Variants in ARHGEF10L observed in about 807,000 individuals in gnomAD.
ARHGEF10L encodes rho guanine nucleotide exchange factor 10-like protein.
Under a neutral mutation model 141.2 loss-of-function variants are expected in ARHGEF10L, and 69 were observed. The observed-to-expected ratio is 0.49, with a 90% CI of 0.40 to 0.60. The LOEUF (loss-of-function observed/expected upper bound fraction) is 0.60, where lower values mean the gene tolerates loss of function less well. Ranked by LOEUF, ARHGEF10L falls within the 20% of genes least tolerant of loss-of-function variation. ARHGEF10L has a pLI of 0.00. For synonymous variants in ARHGEF10L, 711 were observed against 718.5 expected, an observed-to-expected ratio of 0.99 and a Z score of 0.17; for missense variants, 1,482 against 1,734.3, an observed-to-expected ratio of 0.85 and a Z score of 2.58.
Position 17,656,200 on chromosome 1 carries a change from C to G in ARHGEF10L, c.2705+98C>G. The stretch of plus-strand genomic sequence containing the variant: ...CCTTCCGGATCTGCCTGTTGCCCAC[C>G]AACATTCTCTGCCCCTGGTCTCCAG... On this transcript the variant is annotated intron_variant, in intron 24 of 28. Transcript: ENST00000361221. The surrounding 1 kb of genome is among the most constrained non-coding windows in gnomAD (Gnocchi z 4.9). 1.5e-6 allele frequency: 2 copies of G among 1,338,262 alleles called. No individual in the cohort carries two copies. Among genetic ancestry groups the G allele is most frequent in the South Asian group, 1.4e-5 (1 of 72,648 alleles). 82.9% of individuals were successfully genotyped at this position (1,338,262 alleles called of 1,614,324 possible). A position where few individuals can be genotyped will look rare whatever the true frequency, so the allele number is the denominator to read the frequency against.
At chr1:17,579,878 C>T (rs1265381909) in intron 1 of ARHGEF10L, among the ~76,000 whole-genome samples, 1 of 152,242 alleles carries the variant, frequency 6.6e-6, no homozygotes, top group African/African-American at 2.4e-5. Context: ...TATGTGAGCT[C>T]CCACTGTGAG....
chr1:17,665,184 A>G (rs949046259), intron 26 of ARHGEF10L, among the ~76,000 whole-genome samples: 1 of 152,210 alleles, frequency 6.6e-6, no homozygotes, highest in Non-Finnish European at 1.5e-5. Flanking sequence ...TGGTTCCCCA[A>G]GAGGTATTTT....
At chr1:17,538,377 G>C (rs1487575383), upstream of ARHGEF10L, among the ~76,000 whole-genome samples, 3 of 152,164 alleles carry the variant, frequency 2.0e-5, no homozygotes, top group Non-Finnish European at 4.4e-5. Flanking sequence ...ACGATGTCTG[G>C]AACAGAGCAA....
At chr1:17,662,677 AG>A (rs1280524822) in intron 25 of ARHGEF10L, among the ~76,000 whole-genome samples, 1 of 145,932 alleles carries the variant, frequency 6.9e-6, no homozygotes, top group Non-Finnish European at 1.5e-5. Flanking sequence ...AGCATGGGGT[AG>A]GCCAGGGTAT....
intron 21 of ARHGEF10L, among the ~76,000 whole-genome samples, chr1:17,640,905 G>A (rs1221044671): frequency 1.3e-5 from 2 of 152,184 alleles, no homozygotes; most frequent in Admixed American, 6.5e-5. Flanking sequence ...AGTATTTTTT[G>A]TGCATCTTTT....
the ARHGEF10L span, among the ~76,000 whole-genome samples, chr1:17,529,357 A>C: frequency 6.6e-6 from 1 of 152,170 alleles, no homozygotes; most frequent in African/African-American, 2.4e-5. Context: ...AGATGTATCC[A>C]TGGGTTGTTC....
At chr1:17,691,820 T>G (rs941252383) in intron 27 of ARHGEF10L, among the ~76,000 whole-genome samples, 1 of 152,164 alleles carries the variant, frequency 6.6e-6, no homozygotes, top group Non-Finnish European at 1.5e-5. Flanking sequence ...TTTTCTCCTT[T>G]CCTTCATCCA....
rs965938923 is a variant in ARHGEF10L at position 17,622,284 on chromosome 1, G to A, written c.1020+343G>A. ...GGGCCATGTCTTCCCATCCTCCTGG[G>A]ATCCTTAGTTGGGAAGATGTGTAGG... On this transcript the variant is annotated intron_variant, in intron 11 of 28. Coordinates refer to ENST00000361221, the MANE Select transcript of ARHGEF10L (RefSeq NM_018125.4). 5.3e-5 allele frequency among the ~76,000 whole-genome samples: 8 copies of A among 152,160 alleles called. No individual in the cohort carries two copies. In the South Asian group the frequency reaches 1.7e-3, roughly 31 times the overall value.
chr1:17,617,457 T>C (rs1362891603), intron 9 of ARHGEF10L, among the ~76,000 whole-genome samples: 1 of 152,136 alleles, frequency 6.6e-6, no homozygotes. Flanking sequence ...TTCCCAGGCA[T>C]TGGTGGGACA....
At chr1:17,670,751 A>G (rs1209358454) in intron 26 of ARHGEF10L, among the ~76,000 whole-genome samples, 2 of 152,208 alleles carry the variant, frequency 1.3e-5, no homozygotes, top group African/African-American at 4.8e-5. Context: ...CTGAGGAGTG[A>G]CCCGCTGGGC....
chr1:17,646,229 A>C (rs534470433), intron 21 of ARHGEF10L, among the ~76,000 whole-genome samples: 25 of 152,316 alleles, frequency 1.6e-4, no homozygotes, highest in Admixed American at 1.3e-3. Flanking sequence ...TTGCTGTGCC[A>C]GCATTCAGGT....
intron 2 of ARHGEF10L, among the ~76,000 whole-genome samples, chr1:17,584,878 CA>C (rs58910983): frequency 0.034 from 5,142 of 152,248 alleles, 296 homozygotes; most frequent in African/African-American, 0.12. Flanking sequence ...CACACACACA[CA>C]CCCCTACCCA....
chr1:17,592,144 G>C (rs1380567706), intron 4 of ARHGEF10L, among the ~76,000 whole-genome samples: 1 of 152,176 alleles, frequency 6.6e-6, no homozygotes. Flanking sequence ...GCAGTGCCTG[G>C]GAAACGTGAG....
chr1:17,688,929 A>T (rs2064842073), intron 27 of ARHGEF10L, among the ~76,000 whole-genome samples: 1 of 152,088 alleles, frequency 6.6e-6, no homozygotes, highest in Non-Finnish European at 1.5e-5. Flanking sequence ...GTTACTAACA[A>T]CACAGTCCAC....
intron 19 of ARHGEF10L, among the ~76,000 whole-genome samples, chr1:17,638,307 G>C (rs11577701): frequency 2.0e-5 from 3 of 152,168 alleles, no homozygotes; most frequent in Non-Finnish European, 4.4e-5. Context: ...CCTCTACCCA[G>C]TGTGGAGGGG....
chr1:17,600,371 C>T (rs759237865), intron 4 of ARHGEF10L, among the ~76,000 whole-genome samples: 2 of 152,210 alleles, frequency 1.3e-5, no homozygotes, highest in Non-Finnish European at 2.9e-5. Context: ...GGCCTCTGCC[C>T]TCTAGGTTGG....
chr1:17,613,015 C>G, intron 7 of ARHGEF10L, 43 bp from the exon 8 acceptor site: 1 of 1,377,590 alleles, frequency 7.3e-7, no homozygotes. Flanking sequence ...CCCGCCTGCT[C>G]CTCTCACCTG....
At chr1:17,540,457 G>C (rs2076682120) in intron 1 of ARHGEF10L, among the ~76,000 whole-genome samples, 1 of 152,108 alleles carries the variant, frequency 6.6e-6, no homozygotes, top group Non-Finnish European at 1.5e-5. Context: ...TGGGAGGAGA[G>C]GATGCCGGGT....
At chr1:17,602,290 A>G in intron 5 of ARHGEF10L, 72 bp downstream of exon 5, 1 of 1,506,754 alleles carries the variant, frequency 6.6e-7, no homozygotes, top group Non-Finnish European at 9.0e-7. Flanking sequence ...TTCTAACCCA[A>G]GAGAGCTGAT....
Sources: allele counts gnomAD v4.1 joint callset (sites outside exome capture counted in the v4.1 genomes callset), GRCh38; gene constraint gnomAD v4.1.1; non-coding constraint Gnocchi (gnomAD v3.1); transcripts MANE v1.5; gene names NCBI Gene and HGNC (gene_info 2026-07-23, HGNC 2026-07-21).